Variants in DCC observed in about 807,000 individuals in gnomAD.
The protein encoded by DCC is netrin receptor DCC.
A neutral mutation model predicts 172.5 loss-of-function variants in DCC; 58 were observed. The observed-to-expected ratio is 0.34, with a 90% CI of 0.27 to 0.42. DCC has a LOEUF of 0.42. Ranked by LOEUF, DCC falls within the 10% of genes least tolerant of loss-of-function variation. DCC has a pLI of 1.00. For missense variants in DCC, 1,740 were observed against 1,791.0 expected, an observed-to-expected ratio of 0.97 and a Z score of 0.51; for synonymous variants, 709 against 644.5, an observed-to-expected ratio of 1.10 and a Z score of -1.52.
chr18:52,534,716 A>G (rs966637581), intron 1 of DCC, among the ~76,000 whole-genome samples: 21 of 152,180 alleles, frequency 1.4e-4, no homozygotes, highest in African/African-American at 4.6e-4. Context: ...CTGGATCCTA[A>G]TTAAAGCAAT....
At chr18:52,748,198 GT>G (rs1214495055) in intron 1 of DCC, among the ~76,000 whole-genome samples, 1 of 152,220 alleles carries the variant, frequency 6.6e-6, no homozygotes, top group African/African-American at 2.4e-5. Flanking sequence ...ACAGGCGCTG[GT>G]TCCCTGTGAG....
At chr18:52,972,176 G>C (rs1162034916) in intron 5 of DCC, among the ~76,000 whole-genome samples, 1 of 152,146 alleles carries the variant, frequency 6.6e-6, no homozygotes, top group Non-Finnish European at 1.5e-5. Context: ...GTAGGGCAGA[G>C]GATATATTTA....
At chr18:52,424,989 A>G (rs1234447595) in intron 1 of DCC, among the ~76,000 whole-genome samples, 1 of 151,796 alleles carries the variant, frequency 6.6e-6, no homozygotes. Context: ...ACATGCATAG[A>G]TGGCATACTG....
Position 53,324,621 on chromosome 18 carries a change from AT to A in DCC, c.2164+2465del, listed in dbSNP as rs552460443. Among the ~76,000 whole-genome samples, 282 of 152,242 alleles carry A rather than the reference AT, an allele frequency of 1.9e-3. 1 individual carries two copies. The highest frequency in any genetic ancestry group is 6.6e-3 in the African/African-American group (276 of 41,544). On this transcript the variant is annotated intron_variant, in intron 14 of 28. Coordinates refer to ENST00000442544, the MANE Select transcript of DCC (RefSeq NM_005215.4). ...CTAGAGCCCTTCAAGTAGAAGAAAA[AT>A]CAAGAACAGTCATCCTGAATAGAGC...
chr18:53,429,403 C>T (rs945284341), intron 21 of DCC, among the ~76,000 whole-genome samples: 2 of 116,678 alleles, frequency 1.7e-5, no homozygotes, highest in African/African-American at 5.2e-5. Context: ...TATTTTGTAT[C>T]CTGGTATTTT....
At chr18:52,413,190 A>C (rs963501055) in intron 1 of DCC, among the ~76,000 whole-genome samples, 4 of 151,666 alleles carry the variant, frequency 2.6e-5, no homozygotes, top group Non-Finnish European at 5.9e-5. Flanking sequence ...GATTAGTAAG[A>C]AAATTGGACA....
intron 14 of DCC, among the ~76,000 whole-genome samples, chr18:53,334,462 T>C (rs2057569436): frequency 6.6e-6 from 1 of 152,226 alleles, no homozygotes; most frequent in Non-Finnish European, 1.5e-5. Context: ...AATCTTTAAG[T>C]ATACAGTTCA....
At chr18:52,422,448 G>T (rs1987280140) in intron 1 of DCC, among the ~76,000 whole-genome samples, 1 of 152,138 alleles carries the variant, frequency 6.6e-6, no homozygotes, top group Non-Finnish European at 1.5e-5. Context: ...CCAGAGAAGA[G>T]CCTGTGACAT....
chr18:53,194,419 C>T (rs1266121474), intron 9 of DCC, among the ~76,000 whole-genome samples: 2 of 151,370 alleles, frequency 1.3e-5, no homozygotes, highest in African/African-American at 4.8e-5. Flanking sequence ...ATCAGGGACT[C>T]TGTTGGCCAG....
Position 53,066,132 on chromosome 18 carries a change from C to T in DCC, c.1227C>T (p.Ala409=), listed in dbSNP as rs763099077. ...QCVAENEAGN[A]QTSAQLIVPK... is the part of the protein sequence containing the mutation. The stretch of plus-strand genomic sequence containing the variant: ...TGGCTGAAAATGAGGCTGGAAATGC[C>T]CAGACCAGTGCACAGCTCATTGTCC... The change falls in exon 7 of 29, where the codon GCC becomes GCT. Residue 409 remains alanine, a synonymous_variant. Coordinates refer to ENST00000442544, the MANE Select transcript of DCC (RefSeq NM_005215.4). 6.2e-7 allele frequency: 1 copy of T among 1,613,054 alleles called. No homozygotes were observed. The highest frequency in any genetic ancestry group is 1.1e-5 in the South Asian group (1 of 91,066).
intron 2 of DCC, among the ~76,000 whole-genome samples, chr18:52,854,371 C>T (rs376621833): frequency 8.6e-5 from 13 of 151,854 alleles, no homozygotes; most frequent in African/African-American, 1.7e-4. Context: ...TTCTGTGAGA[C>T]GAGATGGGGA....
intron 8 of DCC, among the ~76,000 whole-genome samples, chr18:53,175,846 C>G (rs2055084429): frequency 6.6e-6 from 1 of 151,974 alleles, no homozygotes. Flanking sequence ...TCATATGGAA[C>G]CAAAAAAGAG....
intron 2 of DCC, among the ~76,000 whole-genome samples, chr18:52,800,481 G>A (rs1189949858): frequency 6.6e-6 from 1 of 152,076 alleles, no homozygotes; most frequent in Non-Finnish European, 1.5e-5. Flanking sequence ...ATTGATTCAG[G>A]GTATCATTCC....
intron 5 of DCC, among the ~76,000 whole-genome samples, chr18:52,998,415 A>T (rs1053029584): frequency 6.6e-6 from 1 of 152,112 alleles, no homozygotes; most frequent in Non-Finnish European, 1.5e-5. Flanking sequence ...GCATCGCTCT[A>T]GACACGAGCA....
At chr18:52,549,770 G>A (rs2032713247) in intron 1 of DCC, among the ~76,000 whole-genome samples, 1 of 151,634 alleles carries the variant, frequency 6.6e-6, no homozygotes, top group Non-Finnish European at 1.5e-5. Flanking sequence ...ACTATGATTT[G>A]TATGGCTAAC....
chr18:52,388,257 GA>G (rs765360962), intron 1 of DCC, among the ~76,000 whole-genome samples: 2 of 151,916 alleles, frequency 1.3e-5, no homozygotes, highest in Non-Finnish European at 2.9e-5. Context: ...TGTGTCTGAA[GA>G]AGACATTGGA....
intron 1 of DCC, among the ~76,000 whole-genome samples, chr18:52,618,653 A>C (rs2034426365): frequency 6.6e-6 from 1 of 152,180 alleles, no homozygotes; most frequent in Non-Finnish European, 1.5e-5. Context: ...ACAATGTTTA[A>C]TCTCTTAGGT....
chr18:53,137,672 T>C (rs1422120969), intron 7 of DCC, among the ~76,000 whole-genome samples: 5 of 152,182 alleles, frequency 3.3e-5, no homozygotes, highest in Non-Finnish European at 7.4e-5. Flanking sequence ...TTAGTGCATA[T>C]CTACCTCAGT....
At chr18:52,731,512 A>G (rs1188111770) in intron 1 of DCC, among the ~76,000 whole-genome samples, 1 of 152,236 alleles carries the variant, frequency 6.6e-6, no homozygotes, top group African/African-American at 2.4e-5. Context: ...CTATAGTGAA[A>G]GGGTTTAGGA....
Sources: allele counts gnomAD v4.1 joint callset (sites outside exome capture counted in the v4.1 genomes callset), GRCh38; gene constraint gnomAD v4.1.1; transcripts MANE v1.5; gene names NCBI Gene and HGNC (gene_info 2026-07-23, HGNC 2026-07-21).